Variants in CYP4Z1 observed in about 807,000 individuals in gnomAD.
CYP4Z1 encodes the protein cytochrome P450 family 4 subfamily Z member 1, also known as cytochrome P450 4Z1.
Under a neutral mutation model 54.2 loss-of-function variants are expected in CYP4Z1, and 41 were observed. That is an observed-to-expected ratio of 0.76 (90% CI 0.59 to 0.98). The LOEUF (loss-of-function observed/expected upper bound fraction) is 0.98. CYP4Z1 is among the 50% of genes least tolerant of loss of function. The probability of loss-of-function intolerance (pLI) is 0.00; values close to 1 mark genes in which losing one functional copy is unlikely to be tolerated. For synonymous variants in CYP4Z1, 163 were observed against 206.2 expected (o/e 0.79, Z 1.79); for missense variants, 513 against 599.0 (o/e 0.86, Z 1.50).
chr1:47,085,070 C>T, intron 6 of CYP4Z1, 92 bp downstream of exon 6: 1 of 596,886 alleles, frequency 1.7e-6, no homozygotes, highest in Non-Finnish European at 3.0e-6. Context: ...CTACTATGGA[C>T]ATATGGCATG....
chr1:47,103,119 A>G (rs1644731926), intron 8 of CYP4Z1, among the ~76,000 whole-genome samples: 1 of 151,844 alleles, frequency 6.6e-6, no homozygotes, highest in Non-Finnish European at 1.5e-5. Context: ...CTAATTGTTG[A>G]AGCTTTCAAA....
chr1:47,110,618 C>A (rs556300055), intron 9 of CYP4Z1, among the ~76,000 whole-genome samples: 38 of 152,268 alleles, frequency 2.5e-4, no homozygotes, highest in African/African-American at 8.7e-4. Flanking sequence ...AATTGATGAG[C>A]CTGTGAATCA....
chr1:47,082,568 A>G, intron 4 of CYP4Z1, 107 bp downstream of exon 4: 1 of 1,481,850 alleles, frequency 6.7e-7, no homozygotes, highest in South Asian at 1.4e-5. Context: ...ACAGCAGTTT[A>G]TATGGGGTTA....
chr1:47,117,266 A>C (rs1486024621), intron 11 of CYP4Z1, among the ~76,000 whole-genome samples: 1 of 152,180 alleles, frequency 6.6e-6, no homozygotes, highest in Non-Finnish European at 1.5e-5. Flanking sequence ...TGATATAAGG[A>C]AGGTTTTCAA....
chr1:47,101,903 T>C (rs1644724834), intron 8 of CYP4Z1, among the ~76,000 whole-genome samples: 1 of 152,178 alleles, frequency 6.6e-6, no homozygotes, highest in African/African-American at 2.4e-5. Flanking sequence ...TGTATCTCTT[T>C]AGATCTAACA....
chr1:47,079,333 G>A (rs1046060029), intron 2 of CYP4Z1, among the ~76,000 whole-genome samples: 1 of 152,076 alleles, frequency 6.6e-6, no homozygotes, highest in Non-Finnish European at 1.5e-5. Flanking sequence ...CCTGGTTGCT[G>A]TAAACAATTA....
At chr1:47,078,371 T>C (rs565624670) in intron 2 of CYP4Z1, among the ~76,000 whole-genome samples, 180 of 152,054 alleles carry the variant, frequency 1.2e-3, no homozygotes, top group Non-Finnish European at 2.1e-3. Flanking sequence ...TCTAGAACTT[T>C]ATTTGTTTCT....
At chr1:47,089,965 C>T (rs552404855) in intron 6 of CYP4Z1, among the ~76,000 whole-genome samples, 20 of 152,276 alleles carry the variant, frequency 1.3e-4, no homozygotes, top group Non-Finnish European at 2.2e-4. Flanking sequence ...TAGTGTTAAT[C>T]TCACAATTCC....
chr1:47,117,948 C>T lies in CYP4Z1; in HGVS notation c.*14C>T, dbSNP rs747305644. 36 of 1,610,244 alleles carry T rather than the reference C, an allele frequency of 2.2e-5. No individual in the cohort carries two copies. The East Asian group carries it at 5.8e-4, about 26-fold the overall frequency. On this transcript the variant is annotated 3_prime_UTR_variant, in exon 12 of 12. Transcript: ENST00000334194. ...AAAGTTTGCTAATTTTAAGTCCTTT[C>T]GTATAAGAATTAATGAGACAATTTT...
At chr1:47,101,855 G>C (rs1557631488) in intron 8 of CYP4Z1, among the ~76,000 whole-genome samples, 2 of 152,042 alleles carry the variant, frequency 1.3e-5, no homozygotes, top group Non-Finnish European at 2.9e-5. Flanking sequence ...AAAGCTGAGA[G>C]TAGGGGGCTG....
the CYP4Z1 span, among the ~76,000 whole-genome samples, chr1:47,061,387 G>C: frequency 6.6e-6 from 1 of 152,110 alleles, no homozygotes; most frequent in Non-Finnish European, 1.5e-5. Context: ...ATAACCATCA[G>C]AAACTACTAT....
At chr1:47,084,561 A>G in intron 4 of CYP4Z1, 59 bp from the exon 5 acceptor site, 1 of 1,541,884 alleles carries the variant, frequency 6.5e-7, no homozygotes, top group Non-Finnish European at 8.7e-7. Flanking sequence ...ACATAAAATA[A>G]CTTAGAAATT....
the CYP4Z1 span, among the ~76,000 whole-genome samples, chr1:47,057,335 A>AAAATATATATAT: frequency 3.5e-5 from 1 of 28,492 alleles, no homozygotes; most frequent in African/African-American, 9.1e-5. Context: ...AAGAAAAAAA[A>AAAATATATATAT]ATATATATAT....
At chr1:47,110,713 A>C (rs949915404) in intron 9 of CYP4Z1, among the ~76,000 whole-genome samples, 1 of 151,960 alleles carries the variant, frequency 6.6e-6, no homozygotes, top group Non-Finnish European at 1.5e-5. Context: ...ACCATTTAAA[A>C]GAGAACAAGG....
chr1:47,056,437 C>T, the CYP4Z1 span, among the ~76,000 whole-genome samples: 11 of 151,820 alleles, frequency 7.2e-5, no homozygotes, highest in African/African-American at 1.9e-4. Context: ...CTATTAGGTC[C>T]GCTTGGTGCA....
At chr1:47,056,809 G>A in the CYP4Z1 span, among the ~76,000 whole-genome samples, 2,664 of 152,034 alleles carry the variant, frequency 0.018, 78 homozygotes, top group African/African-American at 0.061. Flanking sequence ...TTGAGCCTAT[G>A]TGTGTCTCTG....
chr1:47,093,925 G>T (rs1644657639), intron 6 of CYP4Z1, among the ~76,000 whole-genome samples: 1 of 152,150 alleles, frequency 6.6e-6, no homozygotes, highest in South Asian at 2.1e-4. Context: ...AGTCTTCAGG[G>T]TTTTCCAGGC....
At chr1:47,059,813 T>G in the CYP4Z1 span, among the ~76,000 whole-genome samples, 1 of 152,158 alleles carries the variant, frequency 6.6e-6, no homozygotes, top group Non-Finnish European at 1.5e-5. Flanking sequence ...ATGGGGCACT[T>G]TGTTTTAAGC....
chr1:47,077,838 C>A (rs1054897176), intron 2 of CYP4Z1, among the ~76,000 whole-genome samples: 2 of 151,948 alleles, frequency 1.3e-5, no homozygotes, highest in African/African-American at 4.8e-5. Context: ...AGGCTGGTCT[C>A]AAACTGCTGG....
Sources: gnomAD v4.1 joint callset for allele counts (sites outside exome capture counted in the v4.1 genomes callset) on GRCh38, gnomAD v4.1.1 for gene constraint, MANE v1.5 for transcripts, NCBI Gene and HGNC (gene_info 2026-07-23, HGNC 2026-07-21) for gene names.